Variants in CNBD1 observed in about 807,000 individuals in gnomAD.
The protein encoded by CNBD1 is cyclic nucleotide binding domain containing 1.
A neutral mutation model predicts 54.4 loss-of-function variants in CNBD1; 71 were observed. That is an observed-to-expected ratio of 1.30 (90% CI 1.08 to 1.59). The LOEUF is 1.59. Among genes scored for constraint, CNBD1 ranks in the 40% most tolerant of loss-of-function variants. CNBD1 has a pLI of 0.00. For synonymous variants in CNBD1, 182 were observed against 170.7 expected (o/e 1.07, Z -0.51); for missense variants, 659 against 518.0 (o/e 1.27, Z -2.64).
intron 10 of CNBD1, among the ~76,000 whole-genome samples, chr8:87,370,739 C>T (rs1178957542): frequency 6.7e-6 from 1 of 148,422 alleles, no homozygotes; most frequent in South Asian, 2.1e-4. Flanking sequence ...TAATTAGATC[C>T]CATTTGTCAA....
intron 4 of CNBD1, among the ~76,000 whole-genome samples, chr8:87,038,218 T>G (rs1280321716): frequency 4.6e-5 from 7 of 152,166 alleles, no homozygotes; most frequent in Admixed American, 4.6e-4. Flanking sequence ...AGAACTAATA[T>G]TTAGGCTCAA....
In CNBD1 at chr8:87,023,629, A is replaced by G. The variant is rs555891818; in HGVS notation, c.431+83875A>G. ...ATTTCTTTAAGTCAAATTTTAATTC[A>G]AGTATCAAATTATCATTTTAACCAG... is the stretch of plus-strand genomic sequence containing the variant. On this transcript the variant is annotated intron_variant, in intron 4 of 10. Coordinates refer to ENST00000518476, the MANE Select transcript of CNBD1 (RefSeq NM_173538.3). 3.3e-5 allele frequency among the ~76,000 whole-genome samples: 5 copies of G among 152,306 alleles called. No individual in the cohort carries two copies. The South Asian group carries it at 1.0e-3, about 32-fold the overall frequency.
chr8:86,925,919 T>C (rs952414672), intron 3 of CNBD1, among the ~76,000 whole-genome samples: 9 of 152,008 alleles, frequency 5.9e-5, no homozygotes, highest in African/African-American at 1.7e-4. Context: ...GCAAGGTTTA[T>C]TGCGAAGAGT....
intron 5 of CNBD1, among the ~76,000 whole-genome samples, chr8:87,229,882 A>G (rs1814630033): frequency 6.6e-6 from 1 of 152,226 alleles, no homozygotes; most frequent in African/African-American, 2.4e-5. Context: ...TTGAGGGTCA[A>G]TTTCTGAACT....
At chr8:87,028,577 C>T (rs1809707430) in intron 4 of CNBD1, among the ~76,000 whole-genome samples, 1 of 152,128 alleles carries the variant, frequency 6.6e-6, no homozygotes, top group Non-Finnish European at 1.5e-5. Flanking sequence ...AAATCCATCT[C>T]CCTGACTGAT....
At chr8:87,320,620 G>GTGT (rs753818587) in intron 8 of CNBD1, among the ~76,000 whole-genome samples, 8 of 85,094 alleles carry the variant, frequency 9.4e-5, no homozygotes, top group African/African-American at 4.7e-4. Context: ...GTGTGTGTGT[G>GTGT]GGGGGGCGGC....
intron 2 of CNBD1, among the ~76,000 whole-genome samples, chr8:87,410,662 G>T (rs1239970004): frequency 6.6e-6 from 1 of 152,136 alleles, no homozygotes; most frequent in East Asian, 1.9e-4. Context: ...GGATTTGGGA[G>T]GATTGACTGC....
In CNBD1 at chr8:87,285,726, C is replaced by T. The variant is rs138456297; in HGVS notation, c.910-813C>T. On this transcript the variant is annotated intron_variant, in intron 7 of 10. Coordinates refer to ENST00000518476, the MANE Select transcript of CNBD1 (RefSeq NM_173538.3). ...TCTCTACTGAAAATACAAAATTAGC[C>T]GGACATGGTGGTGCATGCCTGTAAT... 5.9e-3 allele frequency among the ~76,000 whole-genome samples: 901 copies of T among 151,710 alleles called. 10 individuals carry two copies. The highest frequency in any genetic ancestry group is 0.019 in the African/African-American group (769 of 41,402).
At chr8:86,943,371 A>C (rs901822014) in intron 4 of CNBD1, among the ~76,000 whole-genome samples, 8 of 144,104 alleles carry the variant, frequency 5.6e-5, no homozygotes, top group Admixed American at 4.1e-4. Flanking sequence ...ATCTCAAAAA[A>C]AAAAAAAAAA....
chr8:87,290,801 G>A (rs182927864), intron 8 of CNBD1, among the ~76,000 whole-genome samples: 37 of 152,202 alleles, frequency 2.4e-4, no homozygotes, highest in Non-Finnish European at 4.0e-4. Flanking sequence ...ACTTTCTTCT[G>A]GCTTCTATTG....
intron 4 of CNBD1, among the ~76,000 whole-genome samples, chr8:87,132,555 G>A (rs912663813): frequency 6.7e-6 from 1 of 149,210 alleles, no homozygotes; most frequent in Non-Finnish European, 1.5e-5. Flanking sequence ...TGTGAATTAT[G>A]TCTTCCACAA....
intron 3 of CNBD1, among the ~76,000 whole-genome samples, chr8:86,917,398 C>T (rs902620597): frequency 3.3e-5 from 5 of 152,148 alleles, no homozygotes; most frequent in South Asian, 2.1e-4. Context: ...CTCAACAGAA[C>T]ATTCAACATG....
intron 4 of CNBD1, among the ~76,000 whole-genome samples, chr8:86,981,724 T>C (rs1808492962): frequency 6.6e-6 from 1 of 152,234 alleles, no homozygotes; most frequent in South Asian, 2.1e-4. Flanking sequence ...TGTTGTTGCA[T>C]GCCTCAATAT....
At chr8:87,040,260 T>C (rs763341500) in intron 4 of CNBD1, among the ~76,000 whole-genome samples, 8 of 152,222 alleles carry the variant, frequency 5.3e-5, no homozygotes, top group Non-Finnish European at 1.0e-4. Flanking sequence ...ATTTGGGCTA[T>C]GCCCAGGAAT....
At chr8:86,925,408 C>T (rs1460256169) in intron 3 of CNBD1, among the ~76,000 whole-genome samples, 1 of 151,770 alleles carries the variant, frequency 6.6e-6, no homozygotes, top group Admixed American at 6.6e-5. Flanking sequence ...TTACAGCAAA[C>T]ATCTTTAGAA....
At position 87,145,431 on chromosome 8, in the gene CNBD1, G is replaced by A. The variant is rs886096826; in HGVS notation, c.432-60562G>A. Among the ~76,000 whole-genome samples, 6 of 152,050 alleles carry A rather than the reference G, an allele frequency of 3.9e-5. No individual in the cohort carries two copies. In the South Asian group the frequency reaches 6.2e-4, roughly 16 times the overall value. On this transcript the variant is annotated intron_variant, in intron 4 of 10. Transcript: ENST00000518476. Reference sequence around the variant, plus strand: ...TTAACCAAAGAAACTTTTAAAATACGTATTTTGGAAAGAAATGAAATAACC... The same window carrying A: ...TTAACCAAAGAAACTTTTAAAATACATATTTTGGAAAGAAATGAAATAACC...
In CNBD1 at chr8:86,960,448, T is replaced by C. The variant is rs369653884; in HGVS notation, c.431+20694T>C. ...GTGAGGCTGGGGGAGGGGCGTCCAC[T>C]GTCACTGAGGCTTGAGTAGGTAAAC... is the stretch of plus-strand genomic sequence containing the variant. On this transcript the variant is annotated intron_variant, in intron 4 of 10. Coordinates refer to ENST00000518476, the MANE Select transcript of CNBD1 (RefSeq NM_173538.3). Among the ~76,000 whole-genome samples the C allele has an allele frequency of 3.1e-3, 467 of 152,216 alleles. 4 individuals carry two copies. Among genetic ancestry groups the C allele is most frequent in the African/African-American group, 0.01 (428 of 41,548 alleles).
chr8:87,151,423 A>G (rs1812601312), intron 4 of CNBD1, among the ~76,000 whole-genome samples: 1 of 152,236 alleles, frequency 6.6e-6, no homozygotes, highest in African/African-American at 2.4e-5. Context: ...TAATACAAGT[A>G]TATAGCATGT....
intron 10 of CNBD1, among the ~76,000 whole-genome samples, chr8:87,374,680 T>C (rs966473491): frequency 2.0e-5 from 3 of 151,820 alleles, no homozygotes; most frequent in African/African-American, 7.2e-5. Context: ...AACATATTAT[T>C]GCCTGGCCAT....
Sources: allele counts gnomAD v4.1 joint callset (sites outside exome capture counted in the v4.1 genomes callset), GRCh38; gene constraint gnomAD v4.1.1; transcripts MANE v1.5; gene names NCBI Gene and HGNC (gene_info 2026-07-23, HGNC 2026-07-21).